Variants in PDE4D observed in about 807,000 individuals in gnomAD.
PDE4D encodes the protein 3',5'-cyclic-AMP phosphodiesterase 4D.
Under a neutral mutation model 87.4 loss-of-function variants are expected in PDE4D, and 24 were observed. The observed-to-expected ratio is 0.27, with a 90% CI of 0.20 to 0.39. The LOEUF (loss-of-function observed/expected upper bound fraction) is 0.39. PDE4D is among the 10% of genes least tolerant of loss of function. The probability of loss-of-function intolerance (pLI) is 1.00; values close to 1 mark genes in which losing one functional copy is unlikely to be tolerated. For missense variants in PDE4D, 714 were observed against 1,041.0 expected (o/e 0.69, Z 4.32); for synonymous variants, 384 against 383.2 (o/e 1.00, Z -0.02).
chr5:59,298,417 A>G (rs1581826249), intron 1 of PDE4D, among the ~76,000 whole-genome samples: 1 of 151,926 alleles, frequency 6.6e-6, no homozygotes, highest in East Asian at 1.9e-4. Context: ...GCCTGGCCAT[A>G]AGTGTAACTT....
intron 5 of PDE4D, among the ~76,000 whole-genome samples, chr5:59,047,815 A>C (rs925702810): frequency 6.6e-6 from 1 of 152,200 alleles, no homozygotes; most frequent in African/African-American, 2.4e-5. Context: ...AGCCCTCATG[A>C]ATTAGATTCG....
upstream of PDE4D, among the ~76,000 whole-genome samples, chr5:60,488,757 T>C (rs998453189): frequency 6.6e-6 from 1 of 152,020 alleles, no homozygotes; most frequent in African/African-American, 2.4e-5. Context: ...AGGAGCACAA[T>C]TAAAAGTTTT....
intron 1 of PDE4D, among the ~76,000 whole-genome samples, chr5:60,274,359 TTG>T (rs1751143693): frequency 6.6e-6 from 1 of 152,078 alleles, no homozygotes; most frequent in Non-Finnish European, 1.5e-5. Flanking sequence ...GTTGTTGTTG[TTG>T]TTGTTGTTTT....
At chr5:59,656,264 C>T (rs551689224) in intron 1 of PDE4D, among the ~76,000 whole-genome samples, 8 of 152,170 alleles carry the variant, frequency 5.3e-5, no homozygotes, top group Admixed American at 5.2e-4. Context: ...ACCTTACACA[C>T]ACATACAATA....
intron 2 of PDE4D, among the ~76,000 whole-genome samples, chr5:60,031,330 T>C (rs562877864): frequency 6.6e-6 from 1 of 152,292 alleles, no homozygotes; most frequent in East Asian, 1.9e-4. Context: ...TAAGGGAAAT[T>C]AAACATGACA....
intron 5 of PDE4D, among the ~76,000 whole-genome samples, chr5:59,075,754 T>C (rs1421889168): frequency 6.6e-6 from 1 of 152,174 alleles, no homozygotes; most frequent in East Asian, 1.9e-4. Flanking sequence ...TAGAAAGATA[T>C]AAGTATTGTC....
chr5:59,159,690 C>T (rs1339821622), intron 5 of PDE4D, among the ~76,000 whole-genome samples: 1 of 152,162 alleles, frequency 6.6e-6, no homozygotes, highest in Admixed American at 6.5e-5. Flanking sequence ...TCACTTTATG[C>T]ATCTCATATC....
intron 1 of PDE4D, among the ~76,000 whole-genome samples, chr5:59,403,170 C>T (rs62357472): frequency 0.14 from 12,959 of 93,534 alleles, 669 homozygotes; most frequent in Middle Eastern, 0.23. Flanking sequence ...GACAGACAGA[C>T]AGACAGATAG....
At chr5:59,802,396 C>CTTT (rs60356253) in intron 1 of PDE4D, among the ~76,000 whole-genome samples, 61 of 110,386 alleles carry the variant, frequency 5.5e-4, no homozygotes, top group Non-Finnish European at 8.9e-4. Flanking sequence ...CTTCCATATT[C>CTTT]TTTTTTTTTT....
chr5:59,674,835 C>G (rs1171521424), intron 1 of PDE4D, among the ~76,000 whole-genome samples: 1 of 152,152 alleles, frequency 6.6e-6, no homozygotes, highest in Non-Finnish European at 1.5e-5. Flanking sequence ...GAAACAGGTG[C>G]TTTTGGCATT....
rs1393858284 is a variant in PDE4D, at chr5:59,881,405, A to C, written c.455+11763T>G. Among the ~76,000 whole-genome samples, 3 of 152,238 alleles carry C rather than the reference A, an allele frequency of 2.0e-5. No homozygotes were observed. The East Asian group carries it at 5.8e-4, about 29-fold the overall frequency. On this transcript the variant is annotated intron_variant, in intron 1 of 14. Transcript: ENST00000340635. ...TTAAATATAACTCTCCTGCAACATCATCATCCTGGCAATCCATGGTGCCAC... is the reference window on the plus strand; with the variant it reads ...TTAAATATAACTCTCCTGCAACATCCTCATCCTGGCAATCCATGGTGCCAC...
intron 5 of PDE4D, among the ~76,000 whole-genome samples, chr5:59,068,196 A>C (rs1221507898): frequency 6.6e-6 from 1 of 152,240 alleles, no homozygotes; most frequent in Non-Finnish European, 1.5e-5. Context: ...CTTGTCCCTA[A>C]GCCATACCAC....
At chr5:59,322,279 T>C (rs1198356879) in intron 1 of PDE4D, among the ~76,000 whole-genome samples, 1 of 152,128 alleles carries the variant, frequency 6.6e-6, no homozygotes, top group African/African-American at 2.4e-5. Flanking sequence ...TCACTCAGTA[T>C]TGCTGGTGAT....
At chr5:59,585,895 C>A (rs1459255967) in intron 1 of PDE4D, among the ~76,000 whole-genome samples, 1 of 152,156 alleles carries the variant, frequency 6.6e-6, no homozygotes, top group Non-Finnish European at 1.5e-5. Flanking sequence ...AAAATTGAGT[C>A]AACATTCTAA....
At chr5:59,693,163 C>T (rs1751243219) in intron 1 of PDE4D, among the ~76,000 whole-genome samples, 1 of 151,330 alleles carries the variant, frequency 6.6e-6, no homozygotes, top group African/African-American at 2.4e-5. Flanking sequence ...TTTGAATAAA[C>T]AACATAACTG....
At chr5:59,453,869 G>A (rs1225262423) in intron 1 of PDE4D, among the ~76,000 whole-genome samples, 1 of 152,202 alleles carries the variant, frequency 6.6e-6, no homozygotes, top group East Asian at 1.9e-4. Flanking sequence ...ACTTTTATTG[G>A]AAGAAGATGC....
At chr5:59,613,610 G>A (rs532896461) in intron 1 of PDE4D, among the ~76,000 whole-genome samples, 1 of 152,266 alleles carries the variant, frequency 6.6e-6, no homozygotes, top group Non-Finnish European at 1.5e-5. Context: ...GGGAAAAGGG[G>A]GAAAGCCAGG....
At chr5:60,412,833 T>C (rs934575093) in intron 1 of PDE4D, among the ~76,000 whole-genome samples, 2 of 152,202 alleles carry the variant, frequency 1.3e-5, no homozygotes, top group African/African-American at 4.8e-5. Context: ...CCAAAGCCTA[T>C]AGCATTATTT....
chr5:60,303,520 G>A (rs1310423890), intron 1 of PDE4D, among the ~76,000 whole-genome samples: 1 of 151,228 alleles, frequency 6.6e-6, no homozygotes, highest in Non-Finnish European at 1.5e-5. Flanking sequence ...TGTTAGCCAG[G>A]ATGGTCTCGA....
Sources: gnomAD v4.1 joint callset for allele counts (sites outside exome capture counted in the v4.1 genomes callset) on GRCh38, gnomAD v4.1.1 for gene constraint, MANE v1.5 for transcripts, NCBI Gene and HGNC (gene_info 2026-07-23, HGNC 2026-07-21) for gene names.